The following TPR variants were observed in gnomAD, a reference collection of about 807,000 sequenced individuals.
TPR encodes the protein nucleoprotein TPR.
In TPR, 51 loss-of-function variants were observed where a neutral mutation model predicts 316.1. That is an observed-to-expected ratio of 0.16 (90% CI 0.13 to 0.20). TPR has a LOEUF of 0.20. Ranked by LOEUF, TPR falls within the 10% of genes least tolerant of loss-of-function variation. TPR has a pLI of 1.00. For missense variants in TPR, 2,272 were observed against 2,754.8 expected, an observed-to-expected ratio of 0.82 and a Z score of 3.92; for synonymous variants, 981 against 914.7, an observed-to-expected ratio of 1.07 and a Z score of -1.31.
In TPR at chr1:186,336,594, G is replaced by A. The variant is rs1658346503; in HGVS notation, c.4607C>T (p.Thr1536Ile). ...SRLRQDLQDR[T>I]TQEEQLRQQI... ...TTGTCGGAGCTGCTCCTCCTGTGTG[G>A]TTCTATCTTGAAGATCCTGACGAAG... Residue 1536 changes from threonine to isoleucine, a missense_variant, in exon 33 of 51, where the codon ACC becomes ATC. Physicochemically the swap from Thr to Ile is moderately conservative, Grantham distance 89. Transcript: ENST00000367478. 1 of 1,613,820 alleles carries A rather than the reference G, an allele frequency of 6.2e-7. No individual in the cohort carries two copies. The highest frequency in any genetic ancestry group is 1.1e-5 in the South Asian group (1 of 91,072).
chr1:186,314,739 A>T lies in TPR; in HGVS notation c.6941-15T>A. On this transcript the variant is annotated splice_polypyrimidine_tract_variant and intron_variant, in intron 49 of 50. Transcript: ENST00000367478. Reference sequence around the variant, plus strand: ...ACTACTAGTATCTAAGAAAAACATTAAGATAAAAGAAAAGCAAGTGAAAAA... The same window carrying T: ...ACTACTAGTATCTAAGAAAAACATTTAGATAAAAGAAAAGCAAGTGAAAAA... The T allele has an allele frequency of 1.3e-6, 2 of 1,562,566 alleles. No homozygotes were observed. Among genetic ancestry groups the T allele is most frequent in the Admixed American group, 1.9e-5 (1 of 53,724 alleles).
At chr1:186,362,513 AT>A in intron 6 of TPR, 133 bp from the exon 7 acceptor site, 1 of 700,816 alleles carries the variant, frequency 1.4e-6, no homozygotes. Context: ...AAATATGCAT[AT>A]TTAAGAAAAC....
intron 6 of TPR, among the ~76,000 whole-genome samples, chr1:186,362,582 C>G (rs1310280107): frequency 6.6e-6 from 1 of 152,044 alleles, no homozygotes; most frequent in Non-Finnish European, 1.5e-5. Flanking sequence ...CTTACCACCA[C>G]TTCTTAAACA....
At chr1:186,374,405 C>T (rs1659632892) in intron 1 of TPR, among the ~76,000 whole-genome samples, 1 of 152,174 alleles carries the variant, frequency 6.6e-6, no homozygotes, top group Non-Finnish European at 1.5e-5. Context: ...ACCTAATATT[C>T]ATTTTTGTAA....
chr1:186,352,347 T>G (rs904030846), intron 18 of TPR, among the ~76,000 whole-genome samples: 4 of 152,184 alleles, frequency 2.6e-5, no homozygotes, highest in Non-Finnish European at 4.4e-5. Flanking sequence ...GGTTCCTTGC[T>G]CTAACAATCC....
chr1:186,353,965 C>G, intron 17 of TPR, 115 bp from the exon 18 acceptor site: 1 of 854,998 alleles, frequency 1.2e-6, no homozygotes, highest in Non-Finnish European at 1.8e-6. Flanking sequence ...AATATTGTCT[C>G]TAATCCTAAT....
At chr1:186,348,337 C>A (rs1189309094) in intron 21 of TPR, among the ~76,000 whole-genome samples, 1 of 152,124 alleles carries the variant, frequency 6.6e-6, no homozygotes, top group African/African-American at 2.4e-5. Flanking sequence ...AACCCTCAGG[C>A]TTACTAGGGT....
chr1:186,327,712 A>G (rs1658044320), intron 39 of TPR, 52 bp from the exon 40 acceptor site: 2 of 1,462,998 alleles, frequency 1.4e-6, no homozygotes, highest in Non-Finnish European at 1.9e-6. Context: ...AAACATACCT[A>G]AAACTATATG....
intron 13 of TPR, 21 bp from the exon 14 acceptor site, chr1:186,357,644 T>C (rs376576205): frequency 1.9e-6 from 3 of 1,592,178 alleles, no homozygotes; most frequent in South Asian, 1.1e-5. Flanking sequence ...AGTTTTAATA[T>C]GTTATAAAAT....
chr1:186,314,171 T>C (rs1256812488), intron 50 of TPR, 145 bp from the exon 51 acceptor site: 1 of 653,496 alleles, frequency 1.5e-6, no homozygotes, highest in East Asian at 2.8e-5. Context: ...TGGAAATTAT[T>C]ACAAGCAGAT....
chr1:186,318,472 C>T lies in TPR; in HGVS notation c.6796G>A (p.Val2266Ile). The T allele has an allele frequency of 6.2e-7, 1 of 1,612,858 alleles. No individual in the cohort carries two copies. Among genetic ancestry groups the T allele is most frequent in the South Asian group, 1.1e-5 (1 of 90,664 alleles). The change falls in exon 48 of 51, where the codon GTA becomes ATA. Residue 2266 changes from valine to isoleucine, a missense_variant. By Grantham distance (29) the Val-to-Ile change is conservative. This residue lies in a region of TPR where 123 missense variants were observed against 142.3 expected (regional missense o/e 0.86). Coordinates refer to ENST00000367478, the MANE Select transcript of TPR (RefSeq NM_003292.3). ...ETATGDDGDE[V>I]FVEAESEGIS... is the part of the protein sequence containing the mutation. ...CCTTCAGATTCTGCCTCCACAAATA[C>T]TTCATCTCCATCATCACCTGTTGCT...
intron 31 of TPR, among the ~76,000 whole-genome samples, chr1:186,337,470 C>A (rs886151340): frequency 6.6e-6 from 1 of 152,030 alleles, no homozygotes; most frequent in African/African-American, 2.4e-5. Flanking sequence ...AATATTATTT[C>A]TTTGGAAAAA....
At chr1:186,356,046 A>G (rs749204833) in intron 15 of TPR, among the ~76,000 whole-genome samples, 5 of 152,212 alleles carry the variant, frequency 3.3e-5, no homozygotes, top group African/African-American at 4.8e-5. Flanking sequence ...AACATAACCA[A>G]AATAAATACT....
Position 186,352,191 on chromosome 1 carries a change from C to T in TPR, c.2335-81G>A, listed in dbSNP as rs776846494. 9 of 1,323,638 alleles carry T rather than the reference C, an allele frequency of 6.8e-6. No homozygotes were observed. The South Asian group carries it at 1.3e-4, about 20-fold the overall frequency. 82.0% of individuals were successfully genotyped at this position (1,323,638 alleles called of 1,614,324 possible). A position where few individuals can be genotyped will look rare whatever the true frequency, so the allele number is the denominator to read the frequency against. The stretch of plus-strand genomic sequence containing the variant: ...TTAAGATTATAAAATTAAAATGATT[C>T]ATACATCACTACTTTTTTTTAATGC... On this transcript the variant is annotated intron_variant, in intron 18 of 50. Coordinates refer to ENST00000367478, the MANE Select transcript of TPR (RefSeq NM_003292.3).
chr1:186,326,861 C>T (rs927672219), intron 40 of TPR, among the ~76,000 whole-genome samples: 15 of 144,186 alleles, frequency 1.0e-4, no homozygotes, highest in Non-Finnish European at 7.5e-5. Flanking sequence ...CATCAATTGT[C>T]AAAAAAACAA....
intron 45 of TPR, among the ~76,000 whole-genome samples, chr1:186,320,804 T>C (rs1176699546): frequency 6.6e-6 from 1 of 152,198 alleles, no homozygotes; most frequent in Non-Finnish European, 1.5e-5. Context: ...AGTTTTCATT[T>C]GGTCATAGAA....
In TPR at chr1:186,335,788, C is replaced by G. The variant is rs190329809; in HGVS notation, c.4706-245G>C. 1.5e-4 allele frequency among the ~76,000 whole-genome samples: 23 copies of G among 152,122 alleles called. No individual in the cohort carries two copies. The East Asian group carries it at 3.5e-3, about 23-fold the overall frequency. ...TTTTCCTAACTAAAATCTCAAAAAG[C>G]TAAAGATCCTAGTTAACAGAAGCCC... On this transcript the variant is annotated intron_variant, in intron 33 of 50. Coordinates refer to ENST00000367478, the MANE Select transcript of TPR (RefSeq NM_003292.3).
Position 186,356,295 on chromosome 1 carries a change from G to C in TPR, c.1879C>G (p.Pro627Ala), listed in dbSNP as rs779061161. The change falls in exon 15 of 51, where the codon CCA becomes GCA. Residue 627 changes from proline to alanine, a missense_variant. By Grantham distance (27) the Pro-to-Ala change is conservative. Around this residue, in one of 10 missense-constraint regions of TPR, gnomAD observed 757 missense variants for 859.8 expected, o/e 0.88. Transcript: ENST00000367478. ...CTTTATAAAAACCTACCATGTAATG[G>C]AATGGCAACTCCTGTTGTTTGTGAC... Reference protein sequence around the residue: ...LLSQTTGVAIPLHASSLDDVS... With the variant: ...LLSQTTGVAIALHASSLDDVS... 2.5e-6 allele frequency: 4 copies of C among 1,595,488 alleles called. No individual in the cohort carries two copies. The South Asian group carries it at 3.4e-5, about 14-fold the overall frequency.
chr1:186,313,432 T>C lies in TPR; in HGVS notation c.*539A>G. ...TCAAACTTGGTTACTCTTTAATGTT[T>C]ACTTCATAAAGGAGAGCTGAACCTG... On this transcript the variant is annotated 3_prime_UTR_variant, in exon 51 of 51. Coordinates refer to ENST00000367478, the MANE Select transcript of TPR (RefSeq NM_003292.3). 2.2e-6 allele frequency: 1 copy of C among 448,706 alleles called. No individual in the cohort carries two copies. The highest frequency in any genetic ancestry group is 6.2e-4 in the Middle Eastern group (1 of 1,608). The allele number at this position is 448,706 out of a possible 1,614,324, so 27.8% of individuals were successfully genotyped here.
Sources: allele counts gnomAD v4.1 joint callset (sites outside exome capture counted in the v4.1 genomes callset), GRCh38; gene constraint gnomAD v4.1.1; regional missense constraint gnomAD v4.1.1; transcripts MANE v1.5; gene names NCBI Gene and HGNC (gene_info 2026-07-23, HGNC 2026-07-21).